IQCM: variants seen among roughly 807,000 people sequenced by gnomAD.
The protein encoded by IQCM is IQ motif containing M, also known as IQ domain-containing protein M.
A neutral mutation model predicts 57.6 loss-of-function variants in IQCM; 45 were observed. That is an observed-to-expected ratio of 0.78 (90% CI 0.62 to 1.00). The LOEUF (loss-of-function observed/expected upper bound fraction) is 1.00. Ranked by LOEUF, IQCM falls within the 50% of genes least tolerant of loss-of-function variation. IQCM has a pLI of 0.00. For missense variants in IQCM, 468 were observed against 511.6 expected, an observed-to-expected ratio of 0.91 and a Z score of 0.82; for synonymous variants, 148 against 158.9, an observed-to-expected ratio of 0.93 and a Z score of 0.51.
chr4:149,642,424 T>C (rs530714420), intron 7 of IQCM, among the ~76,000 whole-genome samples: 1 of 152,328 alleles, frequency 6.6e-6, no homozygotes, highest in South Asian at 2.1e-4. Context: ...ATTCTTCGAA[T>C]AGTTGCTATA....
intron 11 of IQCM, among the ~76,000 whole-genome samples, chr4:149,549,308 G>A (rs763031010): frequency 1.5e-4 from 23 of 152,182 alleles, no homozygotes; most frequent in Middle Eastern, 3.4e-3. Context: ...GAGGTCAGGA[G>A]ATCGAGACCA....
At chr4:149,461,839 A>G (rs190980181) in intron 12 of IQCM, among the ~76,000 whole-genome samples, 10 of 150,964 alleles carry the variant, frequency 6.6e-5, no homozygotes, top group East Asian at 3.9e-4. Context: ...TATAGTGTGT[A>G]TATATATATA....
At position 149,448,784 on chromosome 4, in the gene IQCM, G is replaced by A. The variant is rs566791099; in HGVS notation, c.1229-15227C>T. On this transcript the variant is annotated intron_variant, in intron 12 of 13. Transcript: ENST00000636793. The stretch of plus-strand genomic sequence containing the variant: ...CACCAATTAACAAAGTTCACTCTAG[G>A]AGAAATGGGAAAGCTGTACATATGA... 6.1e-4 allele frequency among the ~76,000 whole-genome samples: 93 copies of A among 151,794 alleles called. No homozygotes were observed. In the Middle Eastern group the frequency reaches 0.01, roughly 17 times the overall value.
chr4:149,359,905 T>G (rs1729351885), intron 13 of IQCM, among the ~76,000 whole-genome samples: 1 of 152,216 alleles, frequency 6.6e-6, no homozygotes, highest in Non-Finnish European at 1.5e-5. Context: ...GAGTATCTAC[T>G]GAGTCCTGTT....
intron 2 of IQCM, among the ~76,000 whole-genome samples, chr4:149,750,218 G>A (rs1043334264): frequency 1.3e-5 from 2 of 152,086 alleles, no homozygotes; most frequent in Admixed American, 1.3e-4. Context: ...TTGATACAAA[G>A]TGAACGGTAA....
chr4:149,769,214 G>A (rs1391081447), intron 2 of IQCM, among the ~76,000 whole-genome samples: 1 of 151,848 alleles, frequency 6.6e-6, no homozygotes, highest in African/African-American at 2.4e-5. Flanking sequence ...GTTTTATTAG[G>A]GAAACTCTTC....
intron 9 of IQCM, among the ~76,000 whole-genome samples, chr4:149,572,403 C>T (rs987547627): frequency 1.3e-5 from 2 of 151,926 alleles, no homozygotes; most frequent in Non-Finnish European, 2.9e-5. Context: ...TCTCCTGCCT[C>T]AATCTCCCAA....
chr4:149,648,897 TAAAAAAAAG>T (rs1001568863), intron 7 of IQCM, among the ~76,000 whole-genome samples: 3 of 148,486 alleles, frequency 2.0e-5, no homozygotes, highest in Non-Finnish European at 3.0e-5. Flanking sequence ...TAAAGTATAA[TAAAAAAAAG>T]AAAAAAAAGA....
chr4:149,763,892 T>A (rs563304207), intron 2 of IQCM, among the ~76,000 whole-genome samples: 6 of 152,026 alleles, frequency 3.9e-5, no homozygotes, highest in African/African-American at 1.4e-4. Context: ...AGGAGGAAGA[T>A]GTTGGAACAG....
chr4:149,484,616 T>C (rs1326949493), intron 12 of IQCM, among the ~76,000 whole-genome samples: 1 of 151,972 alleles, frequency 6.6e-6, no homozygotes, highest in Non-Finnish European at 1.5e-5. Context: ...ATTTTGTCCC[T>C]TTTTTTAACT....
At chr4:149,760,023 G>GGA (rs1769351616) in intron 2 of IQCM, among the ~76,000 whole-genome samples, 3 of 150,612 alleles carry the variant, frequency 2.0e-5, no homozygotes, top group East Asian at 3.9e-4. Context: ...AGGAAGGAAG[G>GGA]AAGGGAAGGG....
chr4:149,729,133 G>C (rs1411408192), intron 5 of IQCM, among the ~76,000 whole-genome samples: 1 of 152,200 alleles, frequency 6.6e-6, no homozygotes, highest in Non-Finnish European at 1.5e-5. Context: ...CCCTAACCTG[G>C]AGGTGGGGAA....
At chr4:149,370,756 A>G (rs1730312686) in intron 13 of IQCM, among the ~76,000 whole-genome samples, 1 of 152,200 alleles carries the variant, frequency 6.6e-6, no homozygotes, top group Non-Finnish European at 1.5e-5. Context: ...ATGTGTCTAC[A>G]TTCAGATGTG....
intron 12 of IQCM, among the ~76,000 whole-genome samples, chr4:149,457,659 C>T: frequency 6.6e-6 from 1 of 151,826 alleles, no homozygotes; most frequent in Middle Eastern, 3.4e-3. Flanking sequence ...GAAGTATGAT[C>T]AAAATATAGA....
chr4:149,693,953 A>G (rs951981654), intron 5 of IQCM, among the ~76,000 whole-genome samples: 1 of 152,198 alleles, frequency 6.6e-6, no homozygotes, highest in Non-Finnish European at 1.5e-5. Context: ...TAACATTGAA[A>G]CAATTTGCAG....
At chr4:149,566,700 T>C (rs999878488) in intron 9 of IQCM, among the ~76,000 whole-genome samples, 3 of 152,220 alleles carry the variant, frequency 2.0e-5, no homozygotes, top group African/African-American at 7.2e-5. Flanking sequence ...TTGTCTGGTT[T>C]TCATAACAAT....
chr4:149,593,027 A>T (rs2150013092), intron 8 of IQCM, among the ~76,000 whole-genome samples: 1 of 152,246 alleles, frequency 6.6e-6, no homozygotes, highest in Non-Finnish European at 1.5e-5. Flanking sequence ...GATGGCATTG[A>T]ATCTATAAAT....
chr4:149,558,862 C>G (rs2149924264), intron 10 of IQCM, among the ~76,000 whole-genome samples: 1 of 152,216 alleles, frequency 6.6e-6, no homozygotes, highest in East Asian at 1.9e-4. Context: ...AATTTTGGAC[C>G]CATATACTCA....
chr4:149,661,891 G>C (rs1039358944), intron 7 of IQCM, among the ~76,000 whole-genome samples: 2 of 151,660 alleles, frequency 1.3e-5, no homozygotes, highest in African/African-American at 2.4e-5. Flanking sequence ...TCTTAAAAAA[G>C]TTCTTTGTTT....
Sources: allele counts gnomAD v4.1 joint callset (sites outside exome capture counted in the v4.1 genomes callset), GRCh38; gene constraint gnomAD v4.1.1; transcripts MANE v1.5; gene names NCBI Gene and HGNC (gene_info 2026-07-23, HGNC 2026-07-21).